KCNH5: variants seen among roughly 807,000 people sequenced by gnomAD.
The protein encoded by KCNH5 is voltage-gated delayed rectifier potassium channel KCNH5.
Under a neutral mutation model 96.1 loss-of-function variants are expected in KCNH5, and 46 were observed. The observed-to-expected ratio is 0.48, with a 90% CI of 0.38 to 0.61. The LOEUF (loss-of-function observed/expected upper bound fraction) is 0.61, where lower values mean the gene tolerates loss of function less well. Ranked by LOEUF, KCNH5 falls within the 20% of genes least tolerant of loss-of-function variation. The probability of loss-of-function intolerance (pLI) is 0.00; values close to 1 mark genes in which losing one functional copy is unlikely to be tolerated. For synonymous variants in KCNH5, 439 were observed against 449.8 expected (o/e 0.98, Z 0.30); for missense variants, 907 against 1,225.8 (o/e 0.74, Z 3.88).
chr14:62,712,760 G>C (rs775260771), intron 10 of KCNH5: 2 of 765,134 alleles, frequency 2.6e-6, no homozygotes, highest in Admixed American at 3.5e-5. Context: ...TATACTTGCT[G>C]GGAAAGCGGT....
Position 62,704,108 on chromosome 14 carries a change from C to T in KCNH5, c.*3400G>A, listed in dbSNP as rs895933997. 19 of 151,900 alleles carry T rather than the reference C, an allele frequency of 1.3e-4. No individual in the cohort carries two copies. The highest frequency in any genetic ancestry group is 3.9e-4 in the African/African-American group (16 of 41,526). The allele number at this position is 151,900 out of a possible 1,614,324, so 9.4% of individuals were successfully genotyped here. ...ATTTTGATAATGGTACTTTAGTTAGCGGTCACAACTAATTTTCCTATTAAA... is the reference window on the plus strand; with the variant it reads ...ATTTTGATAATGGTACTTTAGTTAGTGGTCACAACTAATTTTCCTATTAAA... On this transcript the variant is annotated 3_prime_UTR_variant, in exon 11 of 11. Coordinates refer to ENST00000322893, the MANE Select transcript of KCNH5 (RefSeq NM_139318.5).
chr14:62,773,948 T>C (rs965675820), intron 10 of KCNH5, among the ~76,000 whole-genome samples: 12 of 152,160 alleles, frequency 7.9e-5, no homozygotes, highest in Non-Finnish European at 1.6e-4. Context: ...TTGAGGACCT[T>C]TGAGGATACA....
intron 7 of KCNH5, among the ~76,000 whole-genome samples, chr14:62,906,874 C>G (rs1889038337): frequency 6.6e-6 from 1 of 152,088 alleles, no homozygotes; most frequent in Admixed American, 6.6e-5. Flanking sequence ...GAATCAGAAT[C>G]CAACCGACCC....
At position 62,852,255 on chromosome 14, in the gene KCNH5, A is replaced by G. The variant is rs182717032; in HGVS notation, c.1370-2403T>C. Among the ~76,000 whole-genome samples, 150 of 152,246 alleles carry G rather than the reference A, an allele frequency of 9.9e-4. 1 individual carries two copies. In the Middle Eastern group the frequency reaches 0.024, roughly 24 times the overall value. The stretch of plus-strand genomic sequence containing the variant: ...AATTATTATTACCCATAGTTGCCCT[A>G]TTGTGCTACTGAACCTGGATCTTAC... On this transcript the variant is annotated intron_variant, in intron 7 of 10. Coordinates refer to ENST00000322893, the MANE Select transcript of KCNH5 (RefSeq NM_139318.5).
At chr14:62,742,343 A>G (rs1222201054) in intron 10 of KCNH5, among the ~76,000 whole-genome samples, 1 of 152,238 alleles carries the variant, frequency 6.6e-6, no homozygotes, top group Non-Finnish European at 1.5e-5. Context: ...TTAAACTTTC[A>G]TAACAACCAA....
chr14:62,983,746 AC>A (rs1389022998), intron 5 of KCNH5, among the ~76,000 whole-genome samples: 1 of 152,144 alleles, frequency 6.6e-6, no homozygotes, highest in East Asian at 1.9e-4. Flanking sequence ...CCTAGACTCC[AC>A]CCTGGAGAAT....
intron 7 of KCNH5, among the ~76,000 whole-genome samples, chr14:62,945,623 G>A (rs1212678729): frequency 6.6e-6 from 1 of 152,124 alleles, no homozygotes; most frequent in Non-Finnish European, 1.5e-5. Context: ...ATCGTGGTAG[G>A]GACAATGAAG....
intron 8 of KCNH5, 117 bp downstream of exon 8, chr14:62,849,536 C>T (rs1031462110): frequency 2.5e-6 from 2 of 789,880 alleles, no homozygotes; most frequent in Non-Finnish European, 4.1e-6. Flanking sequence ...ATGTCACTTA[C>T]AAATACAGAA....
intron 10 of KCNH5, among the ~76,000 whole-genome samples, chr14:62,738,908 A>G (rs1375618570): frequency 6.6e-6 from 1 of 152,134 alleles, no homozygotes; most frequent in Non-Finnish European, 1.5e-5. Context: ...TGAATTCTGA[A>G]TGAGGAAATC....
At chr14:62,926,925 C>T (rs1595687641) in intron 7 of KCNH5, among the ~76,000 whole-genome samples, 1 of 152,090 alleles carries the variant, frequency 6.6e-6, no homozygotes, top group Admixed American at 6.6e-5. Flanking sequence ...GACTCCTGCT[C>T]TGCCTGTCCC....
intron 7 of KCNH5, among the ~76,000 whole-genome samples, chr14:62,927,777 G>T (rs189069689): frequency 2.6e-5 from 4 of 152,014 alleles, no homozygotes; most frequent in African/African-American, 9.7e-5. Flanking sequence ...TTTTTGTTTT[G>T]CAAGAGTTAT....
intron 8 of KCNH5, among the ~76,000 whole-genome samples, chr14:62,826,977 G>C (rs567188129): frequency 1.3e-5 from 2 of 152,130 alleles, no homozygotes; most frequent in East Asian, 3.9e-4. Context: ...AAAGATACAT[G>C]AAAGGAGAAA....
At chr14:62,945,111 C>T (rs1595694776) in intron 7 of KCNH5, among the ~76,000 whole-genome samples, 1 of 152,088 alleles carries the variant, frequency 6.6e-6, no homozygotes. Context: ...CAACTCTGAA[C>T]CAAATACAGT....
At chr14:63,008,852 T>C (rs1594672977) in intron 2 of KCNH5, among the ~76,000 whole-genome samples, 2 of 152,136 alleles carry the variant, frequency 1.3e-5, no homozygotes, top group African/African-American at 2.4e-5. Flanking sequence ...CTAAAGAACA[T>C]AAAGCCACTT....
chr14:62,894,975 G>A (rs1486243985), intron 7 of KCNH5, among the ~76,000 whole-genome samples: 1 of 152,132 alleles, frequency 6.6e-6, no homozygotes, highest in Non-Finnish European at 1.5e-5. Context: ...CTCAGAAACA[G>A]AGCCAAAGAC....
At chr14:62,797,719 A>G (rs1886568726) in intron 9 of KCNH5, among the ~76,000 whole-genome samples, 1 of 145,876 alleles carries the variant, frequency 6.9e-6, no homozygotes, top group East Asian at 2.0e-4. Flanking sequence ...CACGTTTATA[A>G]TTTTTTTTTT....
intron 2 of KCNH5, among the ~76,000 whole-genome samples, chr14:63,011,570 CA>C (rs1303154892): frequency 1.3e-5 from 2 of 151,872 alleles, no homozygotes; most frequent in African/African-American, 4.8e-5. Flanking sequence ...GGATCATAAC[CA>C]AAAGGTTTCA....
At chr14:62,741,999 T>A (rs539531513) in intron 10 of KCNH5, among the ~76,000 whole-genome samples, 93 of 152,280 alleles carry the variant, frequency 6.1e-4, no homozygotes, top group African/African-American at 2.1e-3. Context: ...ATCTTGATGA[T>A]CCACTTAGCC....
chr14:62,784,318 G>A, intron 9 of KCNH5, among the ~76,000 whole-genome samples: 1 of 152,264 alleles, frequency 6.6e-6, no homozygotes, highest in Middle Eastern at 3.4e-3. Context: ...TTGACATGTA[G>A]GGATTATTAC....
Sources: allele counts gnomAD v4.1 joint callset (sites outside exome capture counted in the v4.1 genomes callset), GRCh38; gene constraint gnomAD v4.1.1; transcripts MANE v1.5; gene names NCBI Gene and HGNC (gene_info 2026-07-23, HGNC 2026-07-21).